The following AOPEP variants were observed in gnomAD, a reference collection of about 807,000 sequenced individuals.
AOPEP encodes aminopeptidase O (putative).
A neutral mutation model predicts 98.1 loss-of-function variants in AOPEP; 77 were observed. That is an observed-to-expected ratio of 0.78 (90% CI 0.65 to 0.95). The LOEUF (loss-of-function observed/expected upper bound fraction) is 0.95, where lower values mean the gene tolerates loss of function less well. Among genes scored for constraint, AOPEP ranks in the 40% least tolerant of loss-of-function variants. AOPEP has a pLI of 0.00. For missense variants in AOPEP, 1,024 were observed against 1,024.7 expected, an observed-to-expected ratio of 1.00 and a Z score of 0.01; for synonymous variants, 346 against 365.3, an observed-to-expected ratio of 0.95 and a Z score of 0.60.
At chr9:94,852,681 G>C (rs899093339) in intron 5 of AOPEP, among the ~76,000 whole-genome samples, 5 of 152,204 alleles carry the variant, frequency 3.3e-5, no homozygotes, top group Non-Finnish European at 5.9e-5. Flanking sequence ...AGGTGCTTTC[G>C]CAGTTTCAGA....
chr9:94,731,267 G>A (rs985279454), intron 1 of AOPEP, among the ~76,000 whole-genome samples: 17 of 149,036 alleles, frequency 1.1e-4, no homozygotes, highest in East Asian at 3.9e-4. Flanking sequence ...TCGCTCTGTC[G>A]CCCAGGCTGG....
intron 13 of AOPEP, among the ~76,000 whole-genome samples, chr9:95,044,059 C>A (rs1159764901): frequency 6.6e-6 from 1 of 152,122 alleles, no homozygotes; most frequent in African/African-American, 2.4e-5. Context: ...TGAGATAACA[C>A]GTGCGAAGTT....
the AOPEP span, among the ~76,000 whole-genome samples, chr9:95,121,995 C>T: frequency 6.6e-6 from 1 of 151,910 alleles, no homozygotes; most frequent in African/African-American, 2.4e-5. Context: ...GTAGCTGGGA[C>T]TATAAGCGCC....
chr9:94,846,841 T>C (rs2042919573), intron 5 of AOPEP, among the ~76,000 whole-genome samples: 1 of 152,140 alleles, frequency 6.6e-6, no homozygotes, highest in Non-Finnish European at 1.5e-5. Context: ...GCCCAGAAGG[T>C]TGAGGCTGCA....
chr9:94,744,265 GCCT>G (rs1402781612), intron 1 of AOPEP, among the ~76,000 whole-genome samples: 3 of 152,080 alleles, frequency 2.0e-5, no homozygotes, highest in Middle Eastern at 3.2e-3. Context: ...GGTGGCAGGC[GCCT>G]GTAGTCCCAG....
At chr9:94,884,336 C>T (rs2047934420) in intron 5 of AOPEP, among the ~76,000 whole-genome samples, 1 of 152,164 alleles carries the variant, frequency 6.6e-6, no homozygotes, top group African/African-American at 2.4e-5. Flanking sequence ...ATTCTACCAG[C>T]TAAGGAATGA....
rs564875203 is a variant in AOPEP, at chr9:94,832,933, A to ATTTT, written c.1364+31945_1364+31948dup. On this transcript the variant is annotated intron_variant, in intron 5 of 16. Coordinates refer to ENST00000375315, the MANE Select transcript of AOPEP (RefSeq NM_001193329.3). Reference sequence around the variant, plus strand: ...CAGTATACTTTGCTTTGTAAATTTGATTTTTTTTTTTTTTTTTGGTGACAG... The same window carrying ATTTT: ...CAGTATACTTTGCTTTGTAAATTTGATTTTTTTTTTTTTTTTTTTTTGGTGACAG... Among the ~76,000 whole-genome samples the ATTTT allele has an allele frequency of 2.0e-4, 27 of 136,532 alleles. No individual in the cohort carries two copies. The South Asian group carries it at 4.7e-3, about 24-fold the overall frequency. 89.6% of individuals were successfully genotyped at this position (136,532 alleles called of 152,430 possible).
chr9:95,100,219 T>G, the AOPEP span: 1 of 223,002 alleles, frequency 4.5e-6, no homozygotes, highest in African/African-American at 2.8e-5. Flanking sequence ...ATGAAGGCAA[T>G]GACCATGAGC....
chr9:94,775,547 A>G (rs1457338645), intron 3 of AOPEP, among the ~76,000 whole-genome samples: 1 of 152,012 alleles, frequency 6.6e-6, no homozygotes, highest in Non-Finnish European at 1.5e-5. Context: ...TTGTATTTTT[A>G]GTAGAGACAG....
chr9:94,872,383 G>T (rs1450620778), intron 5 of AOPEP, among the ~76,000 whole-genome samples: 4 of 152,158 alleles, frequency 2.6e-5, no homozygotes, highest in Non-Finnish European at 5.9e-5. Flanking sequence ...GCTACTCAGA[G>T]AATTACATGG....
rs567123080 is a variant in AOPEP at position 94,901,077 on chromosome 9, A to G, written c.1365-22909A>G. 5.2e-4 allele frequency among the ~76,000 whole-genome samples: 30 copies of G among 57,418 alleles called. No homozygotes were observed. In the South Asian group the frequency reaches 0.024, roughly 45 times the overall value. The allele number at this position is 57,418 out of a possible 152,430, so 37.7% of individuals were successfully genotyped here. On this transcript the variant is annotated intron_variant, in intron 5 of 16. Transcript: ENST00000375315. ...TTATTTGTAATTCATGCGAAGTTCAATAAGTAATATGAAACATCATTTCAG... is the reference window on the plus strand; with the variant it reads ...TTATTTGTAATTCATGCGAAGTTCAGTAAGTAATATGAAACATCATTTCAG...
chr9:95,082,515 G>A (rs1193053320), intron 15 of AOPEP, 60 bp from the exon 16 acceptor site: 35 of 1,583,098 alleles, frequency 2.2e-5, no homozygotes, highest in Non-Finnish European at 2.8e-5. Context: ...GAGCTCATGT[G>A]TGCGTGTGTG....
At chr9:94,932,970 G>A in intron 7 of AOPEP, 1 of 985,440 alleles carries the variant, frequency 1.0e-6, no homozygotes, top group South Asian at 4.7e-5. Flanking sequence ...GTTTCAAAAT[G>A]TTAGGGGTCA....
chr9:94,963,279 A>G lies in AOPEP; in HGVS notation c.1873-4479A>G, dbSNP rs555084786. ...TAGTCAAGCCAGTGTCAGTTTATCCAGTAGAATCTACATGTACCTGCTTTC... is the reference window on the plus strand; with the variant it reads ...TAGTCAAGCCAGTGTCAGTTTATCCGGTAGAATCTACATGTACCTGCTTTC... On this transcript the variant is annotated intron_variant, in intron 9 of 16. Coordinates refer to ENST00000375315, the MANE Select transcript of AOPEP (RefSeq NM_001193329.3). 1.3e-5 allele frequency among the ~76,000 whole-genome samples: 2 copies of G among 152,304 alleles called. 1 individual carries two copies. The highest frequency in any genetic ancestry group is 4.8e-5 in the African/African-American group (2 of 41,566).
chr9:95,018,220 A>G (rs2063165584), intron 13 of AOPEP, among the ~76,000 whole-genome samples: 1 of 152,208 alleles, frequency 6.6e-6, no homozygotes, highest in Non-Finnish European at 1.5e-5. Flanking sequence ...ACTGTTTTCC[A>G]AAGTACCTGT....
intron 14 of AOPEP, among the ~76,000 whole-genome samples, chr9:95,068,470 G>A (rs2134031344): frequency 6.6e-6 from 1 of 152,056 alleles, no homozygotes; most frequent in East Asian, 1.9e-4. Flanking sequence ...TATCTTCTTT[G>A]GAGAAAGGGC....
chr9:95,074,295 C>A (rs923699994), intron 14 of AOPEP, among the ~76,000 whole-genome samples: 4 of 152,200 alleles, frequency 2.6e-5, no homozygotes, highest in Non-Finnish European at 4.4e-5. Context: ...GATTTTAATT[C>A]TCTACTGCCA....
intron 1 of AOPEP, among the ~76,000 whole-genome samples, chr9:94,743,381 T>C (rs1833714951): frequency 6.6e-6 from 1 of 152,166 alleles, no homozygotes; most frequent in Non-Finnish European, 1.5e-5. Flanking sequence ...AAACTAGACT[T>C]GGCAAGAAGT....
intron 1 of AOPEP, among the ~76,000 whole-genome samples, chr9:94,743,714 C>T (rs1833789965): frequency 6.6e-6 from 1 of 152,018 alleles, no homozygotes; most frequent in Non-Finnish European, 1.5e-5. Flanking sequence ...AGGACAGAGG[C>T]CATGGGAGTG....
Sources: gnomAD v4.1 joint callset for allele counts (sites outside exome capture counted in the v4.1 genomes callset) on GRCh38, gnomAD v4.1.1 for gene constraint, MANE v1.5 for transcripts, NCBI Gene and HGNC (gene_info 2026-07-23, HGNC 2026-07-21) for gene names.